Variants in PHF2 observed in about 807,000 individuals in gnomAD.
PHF2 encodes the protein lysine-specific demethylase PHF2.
Under a neutral mutation model 120.5 loss-of-function variants are expected in PHF2, and 27 were observed. The observed-to-expected ratio is 0.22, with a 90% CI of 0.17 to 0.31. The LOEUF is 0.31. Ranked by LOEUF, PHF2 falls within the 10% of genes least tolerant of loss-of-function variation. The pLI, the probability that PHF2 is intolerant of heterozygous loss-of-function variation, is 1.00. For synonymous variants in PHF2, 568 were observed against 592.5 expected (o/e 0.96, Z 0.60); for missense variants, 1,024 against 1,434.8 (o/e 0.71, Z 4.63).
Position 93,677,691 on chromosome 9 carries a change from G to C in PHF2, c.*15G>C. 1 of 1,602,954 alleles carries C rather than the reference G, an allele frequency of 6.2e-7. No homozygotes were observed. The highest frequency in any genetic ancestry group is 8.5e-7 in the Non-Finnish European group (1 of 1,170,180). On this transcript the variant is annotated 3_prime_UTR_variant, in exon 22 of 22. Transcript: ENST00000359246. This position sits in a 1 kb window ranked among gnomAD's most constrained non-coding sequence, Gnocchi z 4.4. ...TACTCCTTTAAGATTTGGAAAGCCA[G>C]GATCCTTCTGCTCCGCTCAGGACCC...
At chr9:93,596,665 G>A (rs565530896) in intron 1 of PHF2, among the ~76,000 whole-genome samples, 5 of 152,228 alleles carry the variant, frequency 3.3e-5, no homozygotes, top group Admixed American at 1.3e-4. Flanking sequence ...TGCTTCCCAG[G>A]AAGGTGTTGA....
At chr9:93,637,711 G>A (rs74843792) in intron 3 of PHF2, among the ~76,000 whole-genome samples, 3,462 of 152,266 alleles carry the variant, frequency 0.023, 84 homozygotes, top group East Asian at 0.1. Context: ...GGTCATTTGC[G>A]TTGTTTCCAC....
intron 1 of PHF2, among the ~76,000 whole-genome samples, chr9:93,610,214 T>C (rs1453811431): frequency 1.3e-5 from 2 of 152,220 alleles, no homozygotes; most frequent in African/African-American, 4.8e-5. Flanking sequence ...CTTTTTCTTC[T>C]CCTTCTGGTA....
At chr9:93,626,865 C>A (rs10992807) in intron 1 of PHF2, among the ~76,000 whole-genome samples, 2 of 152,062 alleles carry the variant, frequency 1.3e-5, no homozygotes, top group Non-Finnish European at 2.9e-5. Flanking sequence ...GTCTAGGAAC[C>A]CTTGTCAAAA....
At chr9:93,655,281 T>TC (rs972451769) in intron 7 of PHF2, among the ~76,000 whole-genome samples, 140 of 151,862 alleles carry the variant, frequency 9.2e-4, no homozygotes, top group African/African-American at 3.1e-3. Context: ...GGTTGGTTTT[T>TC]TTTTTTTTTC....
At chr9:93,634,141 C>T (rs1272570114) in intron 2 of PHF2, among the ~76,000 whole-genome samples, 7 of 152,158 alleles carry the variant, frequency 4.6e-5, no homozygotes, top group Non-Finnish European at 7.4e-5. Context: ...TTGGCTCCCC[C>T]ATGGAGTAGA....
chr9:93,587,213 CGGGTGAGGGATGATGGAGGAGCCCT>C (rs1373688904), intron 1 of PHF2, among the ~76,000 whole-genome samples: 5 of 148,288 alleles, frequency 3.4e-5, no homozygotes, highest in South Asian at 2.2e-4. Flanking sequence ...AGAGGAGCCC[CGGGTGAGGGATGATGGAGGAGCCCT>C]GGGTGAGGGA....
chr9:93,596,996 T>A (rs1341670794), intron 1 of PHF2, among the ~76,000 whole-genome samples: 1 of 146,536 alleles, frequency 6.8e-6, no homozygotes, highest in Non-Finnish European at 1.5e-5. Context: ...AGTGGCACGA[T>A]CTCGGCTCAC....
chr9:93,596,061 T>A (rs1022159029), intron 1 of PHF2, among the ~76,000 whole-genome samples: 1 of 152,178 alleles, frequency 6.6e-6, no homozygotes, highest in Admixed American at 6.5e-5. Flanking sequence ...GCTCCACTGC[T>A]CTTGGCCTCT....
At chr9:93,669,960 C>T (rs1309586002) in intron 17 of PHF2, among the ~76,000 whole-genome samples, 1 of 152,238 alleles carries the variant, frequency 6.6e-6, no homozygotes, top group African/African-American at 2.4e-5. Flanking sequence ...CCTCTTCCTT[C>T]TTGTCTCACA....
At chr9:93,620,274 C>A (rs970379991) in intron 1 of PHF2, among the ~76,000 whole-genome samples, 2 of 152,194 alleles carry the variant, frequency 1.3e-5, no homozygotes, top group Non-Finnish European at 2.9e-5. Context: ...CTGTGAGGAC[C>A]GTCCTCACCC....
Position 93,599,036 on chromosome 9 carries a change from TCAG to T in PHF2, c.98+22170_98+22172del, listed in dbSNP as rs562270830. On this transcript the variant is annotated intron_variant, in intron 1 of 21. Transcript: ENST00000359246. ...ATGATGTCATTTATTGCACTGTTGC[TCAG>T]CAGCCTGTTTCTTGTGTCCAGCACA... is the stretch of plus-strand genomic sequence containing the variant. Among the ~76,000 whole-genome samples, 128 of 152,304 alleles carry T rather than the reference TCAG, an allele frequency of 8.4e-4. 1 individual carries two copies. The highest frequency in any genetic ancestry group is 1.9e-3 in the South Asian group (9 of 4,824).
In PHF2 at chr9:93,660,340, C is replaced by G; in HGVS notation, c.1478C>G (p.Thr493Ser). The change falls in exon 12 of 22, where the codon ACT (threonine) becomes AGT (serine). Residue 493 changes from threonine (T) to serine (S), a missense_variant. This residue lies in a region of PHF2 where 677 missense variants were observed against 857.4 expected (regional missense o/e 0.79). Transcript: ENST00000359246. ...SLLEKVSKKKTPKTVKMPKPS... is the reference protein window; with the variant it reads ...SLLEKVSKKKSPKTVKMPKPS... ...CTGGAGAAAGTGTCCAAAAAAAAGA[C>G]TCCCAAAACTGTGAAGATGCCCAAG... 6.2e-7 allele frequency: 1 copy of G among 1,606,274 alleles called. No homozygotes were observed. Among genetic ancestry groups the G allele is most frequent in the Non-Finnish European group, 8.5e-7 (1 of 1,176,572 alleles).
At chr9:93,593,836 A>G (rs1299438926) in intron 1 of PHF2, among the ~76,000 whole-genome samples, 1 of 152,242 alleles carries the variant, frequency 6.6e-6, no homozygotes, top group African/African-American at 2.4e-5. Context: ...TTAAAATGGA[A>G]GACGGTCTAG....
Position 93,630,030 on chromosome 9 carries a change from T to C in PHF2, c.159T>C (p.Cys53=), listed in dbSNP as rs1273844621. 2 of 1,613,420 alleles carry C rather than the reference T, an allele frequency of 1.2e-6. No individual in the cohort carries two copies. The highest frequency in any genetic ancestry group is 3.3e-5 in the Admixed American group (2 of 60,012). The change falls in exon 2 of 22, where the codon TGT becomes TGC. Residue 53 remains cysteine, a synonymous_variant. Coordinates refer to ENST00000359246, the MANE Select transcript of PHF2 (RefSeq NM_005392.4). ...PDIDIYHCPN[C]EKTHGKSTLK... is the part of the protein sequence containing the mutation. Reference sequence around the variant, plus strand: ...TCGACATATACCACTGCCCAAACTGTGAGAAAACCCATGGGAAGTCCACCT... The same window carrying C: ...TCGACATATACCACTGCCCAAACTGCGAGAAAACCCATGGGAAGTCCACCT...
At chr9:93,623,188 T>G (rs1407040371) in intron 1 of PHF2, among the ~76,000 whole-genome samples, 2 of 152,176 alleles carry the variant, frequency 1.3e-5, no homozygotes, top group Non-Finnish European at 2.9e-5. Flanking sequence ...TAGGGTCTGA[T>G]GTGCAATGTG....
chr9:93,638,048 T>C (rs1417455043), intron 3 of PHF2, among the ~76,000 whole-genome samples: 1 of 152,258 alleles, frequency 6.6e-6, no homozygotes, highest in African/African-American at 2.4e-5. Context: ...TTGAGCATCT[T>C]TTCATGAGCT....
chr9:93,621,741 G>A (rs548142891), intron 1 of PHF2, among the ~76,000 whole-genome samples: 13 of 152,154 alleles, frequency 8.5e-5, no homozygotes, highest in South Asian at 2.1e-4. Context: ...GGCTTGTGCT[G>A]TCTGCCCCCA....
intron 1 of PHF2, among the ~76,000 whole-genome samples, chr9:93,611,033 C>T (rs72745477): frequency 1.3e-5 from 2 of 152,364 alleles, no homozygotes; most frequent in Non-Finnish European, 2.9e-5. Context: ...AAGTTCTTGC[C>T]TGCTTCTAGC....
Sources: gnomAD v4.1 joint callset for allele counts (sites outside exome capture counted in the v4.1 genomes callset) on GRCh38, gnomAD v4.1.1 for gene constraint, gnomAD v4.1.1 regional missense constraint, Gnocchi (gnomAD v3.1) non-coding constraint, MANE v1.5 for transcripts, NCBI Gene and HGNC (gene_info 2026-07-23, HGNC 2026-07-21) for gene names.